The following TRPM3 variants were observed in gnomAD, a reference collection of about 807,000 sequenced individuals.
TRPM3 encodes transient receptor potential cation channel subfamily M member 3.
TRPM3 carries 77 observed loss-of-function variants against 181.2 expected under a neutral mutation model. That is an observed-to-expected ratio of 0.42 (90% CI 0.35 to 0.51). TRPM3 has a LOEUF of 0.51. Ranked by LOEUF, TRPM3 falls within the 20% of genes least tolerant of loss-of-function variation. The pLI is 0.01. For missense variants in TRPM3, 1,759 were observed against 2,196.7 expected (o/e 0.80, Z 3.98); for synonymous variants, 745 against 796.4 (o/e 0.94, Z 1.09).
chr9:71,425,786 T>C (rs138773830), intron 1 of TRPM3, among the ~76,000 whole-genome samples: 3 of 152,294 alleles, frequency 2.0e-5, no homozygotes, highest in African/African-American at 7.2e-5. Context: ...GGGGGTACTA[T>C]ACAATCTGGC....
intron 4 of TRPM3, among the ~76,000 whole-genome samples, chr9:70,845,540 C>T (rs1276603322): frequency 1.3e-5 from 2 of 152,004 alleles, no homozygotes; most frequent in African/African-American, 2.4e-5. Context: ...ATACCTGGCC[C>T]GAGATAATGT....
chr9:71,397,265 G>A (rs1220895996), intron 1 of TRPM3, among the ~76,000 whole-genome samples: 1 of 152,106 alleles, frequency 6.6e-6, no homozygotes, highest in Non-Finnish European at 1.5e-5. Flanking sequence ...GTATTGGTCA[G>A]GGAAAATACA....
intron 3 of TRPM3, among the ~76,000 whole-genome samples, chr9:70,856,408 T>C (rs2095389830): frequency 6.6e-6 from 1 of 152,198 alleles, no homozygotes; most frequent in African/African-American, 2.4e-5. Context: ...ATTGATCAGC[T>C]ATTTTGTTTT....
intron 8 of TRPM3, among the ~76,000 whole-genome samples, chr9:70,694,094 T>C (rs1042390566): frequency 1.3e-5 from 2 of 152,196 alleles, no homozygotes; most frequent in Non-Finnish European, 2.9e-5. Flanking sequence ...TGAGAGACTC[T>C]GCCATGGAGG....
At chr9:71,361,671 A>G (rs150011082) in intron 1 of TRPM3, among the ~76,000 whole-genome samples, 5 of 152,274 alleles carry the variant, frequency 3.3e-5, no homozygotes, top group Non-Finnish European at 5.9e-5. Context: ...TCCCCATGGC[A>G]CTGTCACAGT....
intron 1 of TRPM3, among the ~76,000 whole-genome samples, chr9:71,322,969 T>C (rs2132477931): frequency 6.6e-6 from 1 of 152,292 alleles, no homozygotes; most frequent in African/African-American, 2.4e-5. Flanking sequence ...CCACTTTCAT[T>C]TACCTTTTTG....
At chr9:71,266,675 T>A (rs1226323152) in intron 1 of TRPM3, among the ~76,000 whole-genome samples, 1 of 152,202 alleles carries the variant, frequency 6.6e-6, no homozygotes, top group Non-Finnish European at 1.5e-5. Flanking sequence ...AATACAGTAT[T>A]GTTGACTGTA....
chr9:70,887,706 A>G (rs2096115053), intron 1 of TRPM3, among the ~76,000 whole-genome samples: 1 of 152,142 alleles, frequency 6.6e-6, no homozygotes, highest in Non-Finnish European at 1.5e-5. Flanking sequence ...GTATCTGGGT[A>G]TCTTGTGGGT....
intron 1 of TRPM3, among the ~76,000 whole-genome samples, chr9:71,198,788 T>C (rs922755563): frequency 2.0e-4 from 30 of 148,850 alleles, no homozygotes; most frequent in African/African-American, 7.2e-4. Context: ...ACGATGGGGT[T>C]TTCTAGATAT....
intron 1 of TRPM3, among the ~76,000 whole-genome samples, chr9:71,340,311 T>C (rs2090870164): frequency 1.3e-5 from 2 of 152,106 alleles, no homozygotes; most frequent in South Asian, 4.1e-4. Context: ...TATATGCATA[T>C]AGCTAAATAC....
At chr9:70,905,944 A>G (rs927740700) in intron 1 of TRPM3, among the ~76,000 whole-genome samples, 1 of 152,058 alleles carries the variant, frequency 6.6e-6, no homozygotes, top group African/African-American at 2.4e-5. Flanking sequence ...CACTATTGTC[A>G]CCAAGGCTGG....
At chr9:70,597,302 G>A (rs1390850873) in intron 21 of TRPM3, among the ~76,000 whole-genome samples, 1 of 152,118 alleles carries the variant, frequency 6.6e-6, no homozygotes, top group Non-Finnish European at 1.5e-5. Flanking sequence ...AGACTCCTGG[G>A]CTCAAGTAAT....
At chr9:71,063,132 C>CATCATCAAAGCA (rs1014528175) in intron 1 of TRPM3, among the ~76,000 whole-genome samples, 69 of 152,214 alleles carry the variant, frequency 4.5e-4, no homozygotes, top group Admixed American at 2.2e-3. Flanking sequence ...ATACTGGTCA[C>CATCATCAAAGCA]ATCATCAAAG....
chr9:70,809,508 A>G (rs1003254442), intron 6 of TRPM3, among the ~76,000 whole-genome samples: 2 of 152,160 alleles, frequency 1.3e-5, no homozygotes, highest in Admixed American at 6.5e-5. Context: ...AATACTTACC[A>G]TCGTGTTACA....
chr9:70,550,891 A>G (rs897777963), intron 24 of TRPM3, among the ~76,000 whole-genome samples: 26 of 152,368 alleles, frequency 1.7e-4, no homozygotes, highest in East Asian at 1.9e-4. Context: ...GAAGACCTGT[A>G]TCACAGGGAA....
rs529839174 is a variant in TRPM3 at position 70,914,703 on chromosome 9, C to G, written c.178-50192G>C. ...AGCACAGTCCTAGTGCTGGTGGTCA[C>G]AGGAGTGCTTGTGTCACTTCACCCT... On this transcript the variant is annotated intron_variant, in intron 1 of 25. Transcript: ENST00000677713. Among the ~76,000 whole-genome samples, 7 of 152,286 alleles carry G rather than the reference C, an allele frequency of 4.6e-5. No homozygotes were observed. The East Asian group carries it at 1.4e-3, about 29-fold the overall frequency.
chr9:70,940,605 A>G (rs2096876685), intron 1 of TRPM3, among the ~76,000 whole-genome samples: 1 of 152,228 alleles, frequency 6.6e-6, no homozygotes, highest in Admixed American at 6.5e-5. Flanking sequence ...ATATAAGAGC[A>G]ATATAAATAG....
intron 2 of TRPM3, 41 bp from the exon 3 acceptor site, chr9:70,863,153 A>C (rs966503568): frequency 2.5e-6 from 4 of 1,572,766 alleles, no homozygotes; most frequent in East Asian, 2.2e-5. Context: ...GGTATTAGTC[A>C]CTATTGGGAT....
At chr9:71,419,902 C>G (rs2093699518) in intron 1 of TRPM3, among the ~76,000 whole-genome samples, 1 of 151,836 alleles carries the variant, frequency 6.6e-6, no homozygotes, top group Non-Finnish European at 1.5e-5. Flanking sequence ...AGATACATAT[C>G]TCAGGTATAA....
Sources: gnomAD v4.1 joint callset for allele counts (sites outside exome capture counted in the v4.1 genomes callset) on GRCh38, gnomAD v4.1.1 for gene constraint, MANE v1.5 for transcripts, NCBI Gene and HGNC (gene_info 2026-07-23, HGNC 2026-07-21) for gene names.